The following ZDHHC14 variants were observed in gnomAD, a reference collection of about 807,000 sequenced individuals.
The protein encoded by ZDHHC14 is zDHHC palmitoyltransferase 14, also known as palmitoyltransferase ZDHHC14.
A neutral mutation model predicts 47.7 loss-of-function variants in ZDHHC14; 16 were observed. The observed-to-expected ratio is 0.34, with a 90% CI of 0.23 to 0.51. ZDHHC14 has a LOEUF of 0.51. Among genes scored for constraint, ZDHHC14 ranks in the 20% least tolerant of loss-of-function variants. The pLI is 0.97. For missense variants in ZDHHC14, 515 were observed against 662.5 expected, an observed-to-expected ratio of 0.78 and a Z score of 2.44; for synonymous variants, 293 against 278.9, an observed-to-expected ratio of 1.05 and a Z score of -0.50.
chr6:157,414,293 C>T (rs962358890), intron 1 of ZDHHC14, among the ~76,000 whole-genome samples: 4 of 152,208 alleles, frequency 2.6e-5, no homozygotes, highest in Non-Finnish European at 4.4e-5. Flanking sequence ...CTCCCTTTGC[C>T]TCCCTGGGCT....
intron 5 of ZDHHC14, among the ~76,000 whole-genome samples, chr6:157,641,676 G>T (rs753344987): frequency 1.3e-5 from 2 of 152,174 alleles, no homozygotes; most frequent in Non-Finnish European, 2.9e-5. Flanking sequence ...TTACACGGAA[G>T]TGTTTATTAA....
intron 1 of ZDHHC14, among the ~76,000 whole-genome samples, chr6:157,409,354 T>C (rs1450242672): frequency 6.6e-6 from 1 of 152,134 alleles, no homozygotes; most frequent in East Asian, 1.9e-4. Flanking sequence ...GGTCTTCTGG[T>C]TGGATCCTGC....
At chr6:157,405,314 G>C (rs888151464) in intron 1 of ZDHHC14, among the ~76,000 whole-genome samples, 1 of 152,094 alleles carries the variant, frequency 6.6e-6, no homozygotes, top group Non-Finnish European at 1.5e-5. Flanking sequence ...TTCACTGCAA[G>C]CTCCGCCTCC....
At chr6:157,554,840 A>G (rs921398249) in intron 2 of ZDHHC14, among the ~76,000 whole-genome samples, 3 of 152,212 alleles carry the variant, frequency 2.0e-5, no homozygotes, top group Non-Finnish European at 4.4e-5. Context: ...AGGAATGCCT[A>G]TGACTCTCAT....
intron 1 of ZDHHC14, among the ~76,000 whole-genome samples, chr6:157,440,119 C>G (rs181400627): frequency 6.6e-6 from 1 of 151,886 alleles, no homozygotes; most frequent in Non-Finnish European, 1.5e-5. Context: ...ACACGTTTAC[C>G]TATGTAGCAA....
At chr6:157,560,858 A>G (rs1782680982) in intron 2 of ZDHHC14, among the ~76,000 whole-genome samples, 1 of 152,240 alleles carries the variant, frequency 6.6e-6, no homozygotes, top group Non-Finnish European at 1.5e-5. Context: ...GAACGGATGC[A>G]TTAACCTGAA....
chr6:157,433,129 C>G, intron 1 of ZDHHC14, among the ~76,000 whole-genome samples: 1 of 152,242 alleles, frequency 6.6e-6, no homozygotes, highest in East Asian at 1.9e-4. Flanking sequence ...GTCATGTGCC[C>G]TAGCAGATGG....
At chr6:157,591,083 C>A (rs1283985046) in intron 2 of ZDHHC14, among the ~76,000 whole-genome samples, 1 of 152,250 alleles carries the variant, frequency 6.6e-6, no homozygotes, top group Non-Finnish European at 1.5e-5. Context: ...CCTGTACCCC[C>A]ATTGTATCTA....
In ZDHHC14 at chr6:157,632,831, C is replaced by T. The variant is rs1041319258; in HGVS notation, c.704-3C>T. On this transcript the variant is annotated splice_region_variant and splice_polypyrimidine_tract_variant and intron_variant, in intron 4 of 8. Coordinates refer to ENST00000359775, the MANE Select transcript of ZDHHC14 (RefSeq NM_024630.3). The stretch of plus-strand genomic sequence containing the variant: ...ATACTAAATGTTGGTTTCATTCCCA[C>T]AGGTTCACAGCAAACAGGATTCCTA... 2 of 1,614,152 alleles carry T rather than the reference C, an allele frequency of 1.2e-6. No homozygotes were observed. Among genetic ancestry groups the T allele is most frequent in the Non-Finnish European group, 1.7e-6 (2 of 1,180,006 alleles).
intron 1 of ZDHHC14, among the ~76,000 whole-genome samples, chr6:157,492,756 G>A (rs1193625210): frequency 6.6e-6 from 1 of 152,206 alleles, no homozygotes; most frequent in Admixed American, 6.5e-5. Context: ...GGAAGACCAG[G>A]AGGTGAGGTG....
At chr6:157,471,249 G>C (rs1779348475) in intron 1 of ZDHHC14, among the ~76,000 whole-genome samples, 1 of 152,242 alleles carries the variant, frequency 6.6e-6, no homozygotes, top group Non-Finnish European at 1.5e-5. Flanking sequence ...TCCCCGCAGA[G>C]TGCGCTTTGC....
chr6:157,592,815 G>C (rs543630793), intron 2 of ZDHHC14, 173 bp from the exon 3 acceptor site: 17 of 1,424,570 alleles, frequency 1.2e-5, no homozygotes, highest in Middle Eastern at 5.2e-4. Context: ...AAGGAGGCCG[G>C]GGTCCCAGCG....
At chr6:157,554,825 C>T (rs1582932231) in intron 2 of ZDHHC14, among the ~76,000 whole-genome samples, 1 of 152,328 alleles carries the variant, frequency 6.6e-6, no homozygotes, top group East Asian at 1.9e-4. Context: ...TATCAAGAAT[C>T]ACACAGGAAT....
chr6:157,494,919 C>T (rs1199207347), intron 1 of ZDHHC14, among the ~76,000 whole-genome samples: 1 of 152,178 alleles, frequency 6.6e-6, no homozygotes, highest in Non-Finnish European at 1.5e-5. Flanking sequence ...AAAGTCTCTT[C>T]TTGTCTCAAC....
chr6:157,529,066 A>G (rs759319555), intron 1 of ZDHHC14: 12 of 154,658 alleles, frequency 7.8e-5, no homozygotes, highest in Admixed American at 6.5e-4. Context: ...GCTAGTGTCT[A>G]GGAGACACAC....
intron 3 of ZDHHC14, among the ~76,000 whole-genome samples, chr6:157,624,352 GTT>G (rs1785319657): frequency 6.6e-6 from 1 of 152,192 alleles, no homozygotes; most frequent in East Asian, 1.9e-4. Flanking sequence ...TCCATGGCCT[GTT>G]CTCATCCTTG....
chr6:157,395,779 C>A (rs566263836), intron 1 of ZDHHC14, among the ~76,000 whole-genome samples: 6 of 143,888 alleles, frequency 4.2e-5, no homozygotes, highest in Non-Finnish European at 9.0e-5. Context: ...GGTGACAGAG[C>A]AAGACTCCAT....
intron 1 of ZDHHC14, among the ~76,000 whole-genome samples, chr6:157,489,322 C>G (rs1293933129): frequency 6.6e-6 from 1 of 152,164 alleles, no homozygotes. Context: ...CCTTCGTAAA[C>G]GTTGTAGTAG....
chr6:157,469,516 C>A (rs1779305490), intron 1 of ZDHHC14, among the ~76,000 whole-genome samples: 1 of 152,196 alleles, frequency 6.6e-6, no homozygotes, highest in Non-Finnish European at 1.5e-5. Context: ...TGGTTACAAA[C>A]AACTCCAAAA....
Sources: allele counts gnomAD v4.1 joint callset (sites outside exome capture counted in the v4.1 genomes callset), GRCh38; gene constraint gnomAD v4.1.1; transcripts MANE v1.5; gene names NCBI Gene and HGNC (gene_info 2026-07-23, HGNC 2026-07-21).